The following INTS9 variants were observed in gnomAD, a reference collection of about 807,000 sequenced individuals.
INTS9 encodes integrator complex subunit 9, also known as protein related to CPSF subunits of 74 kDa.
INTS9 carries 55 observed loss-of-function variants against 79.7 expected under a neutral mutation model. The ratio of observed to expected loss-of-function variants is 0.69; its 90% CI spans 0.56 to 0.86. INTS9 has a LOEUF of 0.86. INTS9 is among the 40% of genes least tolerant of loss of function. The probability of loss-of-function intolerance (pLI) is 0.00; values close to 1 mark genes in which losing one functional copy is unlikely to be tolerated. For synonymous variants in INTS9, 319 were observed against 325.2 expected, an observed-to-expected ratio of 0.98 and a Z score of 0.20; for missense variants, 721 against 831.5, an observed-to-expected ratio of 0.87 and a Z score of 1.64.
At chr8:28,859,348 A>G (rs1808331328) in intron 2 of INTS9, 88 bp downstream of exon 2, 2 of 1,408,190 alleles carry the variant, frequency 1.4e-6, no homozygotes, top group Admixed American at 4.2e-5. Flanking sequence ...TTACGACAAT[A>G]TACTAGGTAC....
chr8:28,831,956 C>T (rs1291537036), intron 6 of INTS9, among the ~76,000 whole-genome samples: 2 of 152,160 alleles, frequency 1.3e-5, no homozygotes. Flanking sequence ...CTGCCCGCAT[C>T]AGCCTCCCAA....
At chr8:28,835,024 G>A (rs1806722871) in intron 6 of INTS9, among the ~76,000 whole-genome samples, 1 of 152,182 alleles carries the variant, frequency 6.6e-6, no homozygotes, top group Non-Finnish European at 1.5e-5. Flanking sequence ...TAACTGACCT[G>A]TTGAGTTATC....
chr8:28,809,631 A>G (rs1804994511), intron 8 of INTS9, among the ~76,000 whole-genome samples: 1 of 152,214 alleles, frequency 6.6e-6, no homozygotes, highest in Admixed American at 6.5e-5. Flanking sequence ...AGTACTGTAA[A>G]GGCTTTGAAC....
At chr8:28,778,528 C>A (rs1803039977) in intron 12 of INTS9, among the ~76,000 whole-genome samples, 1 of 152,218 alleles carries the variant, frequency 6.6e-6, no homozygotes, top group Admixed American at 6.5e-5. Flanking sequence ...GCCCCGCCTC[C>A]AGGCCCGTGA....
At chr8:28,821,750 T>C (rs1029780379) in intron 6 of INTS9, among the ~76,000 whole-genome samples, 3 of 151,832 alleles carry the variant, frequency 2.0e-5, no homozygotes, top group African/African-American at 7.2e-5. Flanking sequence ...TGTGTTTTGA[T>C]ATCTGTGGGT....
chr8:28,790,114 C>T (rs1316968291), intron 10 of INTS9, among the ~76,000 whole-genome samples: 4 of 152,120 alleles, frequency 2.6e-5, no homozygotes, highest in Admixed American at 6.5e-5. Flanking sequence ...CCCCTGAGAA[C>T]GGGAAGCACA....
At chr8:28,817,489 G>T in intron 6 of INTS9, among the ~76,000 whole-genome samples, 1 of 152,090 alleles carries the variant, frequency 6.6e-6, no homozygotes. Context: ...ATTTCTGAGG[G>T]CTCTGTTGTG....
intron 8 of INTS9, among the ~76,000 whole-genome samples, chr8:28,804,272 G>A (rs929212193): frequency 2.0e-5 from 3 of 152,208 alleles, no homozygotes; most frequent in Non-Finnish European, 2.9e-5. Context: ...TCAGAAGCAA[G>A]GGCAGCTGAC....
chr8:28,855,930 T>C (rs945428573), intron 2 of INTS9, among the ~76,000 whole-genome samples: 1 of 152,216 alleles, frequency 6.6e-6, no homozygotes, highest in Non-Finnish European at 1.5e-5. Flanking sequence ...ATTATGTGTA[T>C]ACATACCAAG....
chr8:28,837,817 A>G, intron 4 of INTS9, 41 bp from the exon 5 acceptor site: 2 of 1,563,326 alleles, frequency 1.3e-6, no homozygotes, highest in South Asian at 2.3e-5. Flanking sequence ...CTGTTCAGGG[A>G]TCGATCAATA....
chr8:28,811,438 T>C (rs1272278042), intron 8 of INTS9, among the ~76,000 whole-genome samples: 2 of 150,876 alleles, frequency 1.3e-5, no homozygotes, highest in Non-Finnish European at 3.0e-5. Context: ...TTTTTTTTTC[T>C]TGAGGCATAA....
intron 6 of INTS9, among the ~76,000 whole-genome samples, chr8:28,819,073 A>C (rs1245189183): frequency 6.6e-6 from 1 of 152,128 alleles, no homozygotes; most frequent in Non-Finnish European, 1.5e-5. Context: ...CTAGCAGTCT[A>C]TCAATTTTGT....
chr8:28,800,686 A>T (rs1427610955), intron 8 of INTS9, among the ~76,000 whole-genome samples: 1 of 152,170 alleles, frequency 6.6e-6, no homozygotes, highest in Non-Finnish European at 1.5e-5. Flanking sequence ...CACCCTGGAG[A>T]AAAGTTCTGC....
At chr8:28,814,914 T>C (rs1805380928) in intron 6 of INTS9, among the ~76,000 whole-genome samples, 1 of 152,174 alleles carries the variant, frequency 6.6e-6, no homozygotes, top group African/African-American at 2.4e-5. Context: ...GATTACTTTA[T>C]GGTAAAGTGT....
intron 2 of INTS9, among the ~76,000 whole-genome samples, chr8:28,853,271 C>T (rs556155410): frequency 2.6e-5 from 4 of 151,900 alleles, no homozygotes; most frequent in East Asian, 1.9e-4. Flanking sequence ...AAATTATCCA[C>T]GTATGGTGGT....
chr8:28,770,939 G>C (rs925767096), intron 15 of INTS9, 43 bp downstream of exon 15: 20 of 1,392,980 alleles, frequency 1.4e-5, no homozygotes, highest in Non-Finnish European at 2.0e-5. Flanking sequence ...CTGGTTTCTT[G>C]CTGGGGAGAG....
At chr8:28,777,480 G>A (rs1044200041) in intron 13 of INTS9, among the ~76,000 whole-genome samples, 16 of 152,022 alleles carry the variant, frequency 1.1e-4, no homozygotes, top group Non-Finnish European at 2.2e-4. Context: ...CGTGCGACAC[G>A]GCCCCAGTAA....
At chr8:28,769,140 A>G (rs1241345235) in intron 16 of INTS9, among the ~76,000 whole-genome samples, 1 of 152,328 alleles carries the variant, frequency 6.6e-6, no homozygotes, top group East Asian at 1.9e-4. Context: ...ACAGGTGGAG[A>G]AAACCAATCC....
chr8:28,826,814 G>A (rs1806174657), intron 6 of INTS9, among the ~76,000 whole-genome samples: 1 of 152,156 alleles, frequency 6.6e-6, no homozygotes, highest in African/African-American at 2.4e-5. Context: ...TGAGTAGAGC[G>A]ACTAAATCTT....
Sources: allele counts gnomAD v4.1 joint callset (sites outside exome capture counted in the v4.1 genomes callset), GRCh38; gene constraint gnomAD v4.1.1; transcripts MANE v1.5; gene names NCBI Gene and HGNC (gene_info 2026-07-23, HGNC 2026-07-21).